Variants in SPAG6 observed in about 807,000 individuals in gnomAD.
The protein encoded by SPAG6 is sperm-associated antigen 6.
In SPAG6, 49 loss-of-function variants were observed where a neutral mutation model predicts 58.5. The observed-to-expected ratio is 0.84, with a 90% CI of 0.67 to 1.06. The LOEUF (loss-of-function observed/expected upper bound fraction) is 1.06. Among genes scored for constraint, SPAG6 ranks in the 50% least tolerant of loss-of-function variants. The probability of loss-of-function intolerance (pLI) is 0.00; values close to 1 mark genes in which losing one functional copy is unlikely to be tolerated. For missense variants in SPAG6, 560 were observed against 611.3 expected, an observed-to-expected ratio of 0.92 and a Z score of 0.89; for synonymous variants, 233 against 225.6, an observed-to-expected ratio of 1.03 and a Z score of -0.29.
intron 8 of SPAG6, among the ~76,000 whole-genome samples, chr10:22,397,342 C>T (rs760189382): frequency 6.6e-6 from 1 of 152,162 alleles, no homozygotes; most frequent in Non-Finnish European, 1.5e-5. Context: ...GTTGCCCAGG[C>T]TGGGCTGCTG....
chr10:22,375,281 T>C (rs1267071889), intron 4 of SPAG6, among the ~76,000 whole-genome samples: 2 of 152,208 alleles, frequency 1.3e-5, no homozygotes, highest in Non-Finnish European at 2.9e-5. Context: ...TATACTTGAC[T>C]GAAATTTGAA....
At chr10:22,413,649 A>G (rs1834798108) in intron 10 of SPAG6, among the ~76,000 whole-genome samples, 2 of 150,936 alleles carry the variant, frequency 1.3e-5, no homozygotes, top group East Asian at 1.9e-4. Flanking sequence ...TAATTATTAT[A>G]AAGAATTTTG....
intron 3 of SPAG6, among the ~76,000 whole-genome samples, chr10:22,366,497 G>A (rs576437656): frequency 6.6e-6 from 1 of 152,150 alleles, no homozygotes; most frequent in African/African-American, 2.4e-5. Context: ...TGATGGTTGT[G>A]CAACATTGTG....
Position 22,345,795 on chromosome 10 carries a change from A to G in SPAG6, c.98A>G (p.Asn33Ser). 1 of 1,613,556 alleles carries G rather than the reference A, an allele frequency of 6.2e-7. No homozygotes were observed. The highest frequency in any genetic ancestry group is 1.7e-4 in the Middle Eastern group (1 of 6,060). ...MVAELATRPQNIETLQNAGVM... is the reference protein window; with the variant it reads ...MVAELATRPQSIETLQNAGVM... ...GCGGAGCTGGCGACTAGACCCCAAA[A>G]CATCGAGACGCTGCAGAACGCGGGT... The change falls in exon 2 of 11, where the codon AAC (asparagine) becomes AGC (serine). Residue 33 changes from asparagine (N) to serine (S), a missense_variant. Asn to Ser is a conservative substitution (Grantham distance 46). Transcript: ENST00000376624. The surrounding 1 kb of genome is among the most constrained non-coding windows in gnomAD (Gnocchi z 6.3).
chr10:22,369,074 C>A (rs1279164992), intron 4 of SPAG6, among the ~76,000 whole-genome samples: 1 of 151,996 alleles, frequency 6.6e-6, no homozygotes, highest in Non-Finnish European at 1.5e-5. Flanking sequence ...AGTTAGTCAC[C>A]CTCTTGGGGT....
intron 8 of SPAG6, among the ~76,000 whole-genome samples, chr10:22,398,123 C>A (rs900784990): frequency 1.3e-5 from 2 of 152,190 alleles, no homozygotes; most frequent in African/African-American, 2.4e-5. Flanking sequence ...TGATTTTTCA[C>A]AAAGATGCCA....
intron 9 of SPAG6, among the ~76,000 whole-genome samples, chr10:22,407,941 G>A (rs1834603177): frequency 6.8e-6 from 1 of 147,530 alleles, no homozygotes; most frequent in African/African-American, 2.6e-5. Flanking sequence ...GGCTCCTGAG[G>A]CTTCTGCATT....
At chr10:22,369,067 T>TAA (rs1837274955) in intron 4 of SPAG6, among the ~76,000 whole-genome samples, 1 of 152,142 alleles carries the variant, frequency 6.6e-6, no homozygotes, top group Non-Finnish European at 1.5e-5. Flanking sequence ...TTATTTTAGT[T>TAA]AGTCACCCTC....
At chr10:22,413,065 G>A (rs1471417511) in intron 10 of SPAG6, 3 of 24,312 alleles carry the variant, frequency 1.2e-4, no homozygotes, top group East Asian at 2.1e-3. Context: ...ACAGAAAGAT[G>A]CAAAAAAAAA....
intron 4 of SPAG6, among the ~76,000 whole-genome samples, chr10:22,379,161 G>A (rs533643050): frequency 2.0e-5 from 3 of 152,206 alleles, no homozygotes; most frequent in East Asian, 1.9e-4. Context: ...CCCCCTTTAT[G>A]CTTTTCTCAC....
intron 3 of SPAG6, among the ~76,000 whole-genome samples, chr10:22,365,236 A>AT (rs1057488676): frequency 7.2e-5 from 11 of 152,250 alleles, no homozygotes; most frequent in Non-Finnish European, 8.8e-5. Flanking sequence ...GAGAAAATAG[A>AT]TTTTTTTAGG....
In SPAG6 at chr10:22,364,937, C is replaced by T. The variant is rs1333035962; in HGVS notation, c.206C>T (p.Ala69Val). The part of the protein sequence containing the change: ...QTAALALGRL[A>V]NYNDDLAEAV... ...GCTGCTTTGGCTCTTGGGAGACTGG[C>T]CAATTATAATGATGACCTAGCAGAA... Residue 69 changes from alanine to valine, a missense_variant, in exon 3 of 11, where the codon GCC (alanine) becomes GTC (valine). Physicochemically the swap from Ala to Val is moderately conservative, Grantham distance 64. Transcript: ENST00000376624. 1.2e-6 allele frequency: 2 copies of T among 1,613,028 alleles called. No individual in the cohort carries two copies. Among genetic ancestry groups the T allele is most frequent in the Non-Finnish European group, 1.7e-6 (2 of 1,179,330 alleles).
At chr10:22,393,645 A>T (rs1834229484) in intron 8 of SPAG6, among the ~76,000 whole-genome samples, 1 of 152,180 alleles carries the variant, frequency 6.6e-6, no homozygotes. Flanking sequence ...GTAGTAAGTG[A>T]AAAAGTGGGA....
At position 22,383,524 on chromosome 10, in the gene SPAG6, A is replaced by T. The variant is rs536375101; in HGVS notation, c.473-3230A>T. On this transcript the variant is annotated intron_variant, in intron 4 of 10. Coordinates refer to ENST00000376624, the MANE Select transcript of SPAG6 (RefSeq NM_012443.4). Reference sequence around the variant, plus strand: ...CGTGGTGGCAGTTGCCTGTAATCCCAGCTACTCGAGAGGCTGAGGCAGAGA... The same window carrying T: ...CGTGGTGGCAGTTGCCTGTAATCCCTGCTACTCGAGAGGCTGAGGCAGAGA... 3.3e-5 allele frequency among the ~76,000 whole-genome samples: 5 copies of T among 152,180 alleles called. No individual in the cohort carries two copies. In the East Asian group the frequency reaches 7.7e-4, roughly 24 times the overall value.
intron 4 of SPAG6, among the ~76,000 whole-genome samples, chr10:22,384,131 G>A (rs1156971230): frequency 6.6e-6 from 1 of 152,130 alleles, no homozygotes; most frequent in African/African-American, 2.4e-5. Context: ...TTTCATTTTT[G>A]TACTCAGCCA....
At chr10:22,384,643 C>CA (rs762714430) in intron 4 of SPAG6, among the ~76,000 whole-genome samples, 1 of 152,150 alleles carries the variant, frequency 6.6e-6, no homozygotes, top group Non-Finnish European at 1.5e-5. Context: ...ATTGCAAGTA[C>CA]AAAATTGCTA....
rs1395814347 is a variant in SPAG6 at position 22,389,393 on chromosome 10, A to G, written c.1005+81A>G. On this transcript the variant is annotated intron_variant, in intron 7 of 10. Transcript: ENST00000376624. ...ACAGATTAATGTTCTCCAACAGAAT[A>G]CAAAATATAACTGACTGGAGCAAAA... 51 of 1,409,962 alleles carry G rather than the reference A, an allele frequency of 3.6e-5. No individual in the cohort carries two copies. In the South Asian group the frequency reaches 6.0e-4, roughly 17 times the overall value. 87.3% of individuals were successfully genotyped at this position (1,409,962 alleles called of 1,614,324 possible). A position where few individuals can be genotyped will look rare whatever the true frequency, so the allele number is the denominator to read the frequency against.
At position 22,401,191 on chromosome 10, in the gene SPAG6, A is replaced by C; in HGVS notation, c.1228A>C (p.Lys410Gln). 6.2e-7 allele frequency: 1 copy of C among 1,601,004 alleles called. No individual in the cohort carries two copies. Among genetic ancestry groups the C allele is most frequent in the South Asian group, 1.1e-5 (1 of 90,770 alleles). The change falls in exon 9 of 11, where the codon AAA becomes CAA. Residue 410 changes from lysine (K) to glutamine (Q), a missense_variant. Lys to Gln is a moderately conservative substitution (Grantham distance 53). Coordinates refer to ENST00000376624, the MANE Select transcript of SPAG6 (RefSeq NM_012443.4). ...AAAAGCCATAAAGAATATCCTGCAA[A>C]AATGTACCTACTTACCAGCCCTTGA... Reference protein sequence around the residue: ...SKKAIKNILQKCTYLPALEPF... With the variant: ...SKKAIKNILQQCTYLPALEPF...
chr10:22,379,969 T>C (rs1162484292), intron 4 of SPAG6, among the ~76,000 whole-genome samples: 1 of 151,758 alleles, frequency 6.6e-6, no homozygotes, highest in Non-Finnish European at 1.5e-5. Flanking sequence ...TAAGTTTTGA[T>C]TTTTTTTGGA....
Sources: allele counts gnomAD v4.1 joint callset (sites outside exome capture counted in the v4.1 genomes callset), GRCh38; gene constraint gnomAD v4.1.1; non-coding constraint Gnocchi (gnomAD v3.1); transcripts MANE v1.5; gene names NCBI Gene and HGNC (gene_info 2026-07-23, HGNC 2026-07-21).